The following LONP1 variants were observed in gnomAD, a reference collection of about 807,000 sequenced individuals.
LONP1 encodes lon peptidase 1, mitochondrial.
In LONP1, 31 loss-of-function variants were observed where a neutral mutation model predicts 98.5. That is an observed-to-expected ratio of 0.31 (90% CI 0.24 to 0.42). The LOEUF is 0.42. LONP1 is among the 20% of genes least tolerant of loss of function. The probability of loss-of-function intolerance (pLI) is 1.00; values close to 1 mark genes in which losing one functional copy is unlikely to be tolerated. For missense variants in LONP1, 1,336 were observed against 1,350.6 expected (o/e 0.99, Z 0.17); for synonymous variants, 781 against 594.7 (o/e 1.31, Z -4.56).
intron 10 of LONP1, among the ~76,000 whole-genome samples, chr19:5,697,270 C>T (rs1443957719): frequency 2.0e-5 from 3 of 151,862 alleles, no homozygotes; most frequent in East Asian, 3.9e-4. Flanking sequence ...CACAGGGAGG[C>T]AGGGATGGAG....
rs150732086 is a variant in LONP1 at position 5,699,112 on chromosome 19, G to A, written c.1600C>T (p.Arg534Cys). 2.3e-4 allele frequency: 369 copies of A among 1,599,184 alleles called. No individual in the cohort carries two copies. Among genetic ancestry groups the A allele is most frequent in the Middle Eastern group, 5.0e-4 (3 of 6,018 alleles). The change falls in exon 10 of 18, where the codon CGC becomes TGC. Residue 534 changes from arginine (R) to cysteine (C), a missense_variant. Around this residue, in one of 5 missense-constraint regions of LONP1, gnomAD observed 219 missense variants for 241.0 expected, o/e 0.91. Transcript: ENST00000360614. ...CGGTTCAGGGCGCGGGCGATGGAGC[G>A]AGCAATGCTGGTCTTACCCACGCCA... ...PPGVGKTSIA[R>C]SIARALNREY...
At chr19:5,713,331 G>A in intron 2 of LONP1, 78 bp from the exon 3 acceptor site, 1 of 1,554,840 alleles carries the variant, frequency 6.4e-7, no homozygotes, top group Non-Finnish European at 8.8e-7. Flanking sequence ...AGATGGAGGA[G>A]GGAGAGAAAA....
At position 5,700,876 on chromosome 19, in the gene LONP1, G is replaced by A. The variant is rs755361563; in HGVS notation, c.1419C>T (p.Tyr473=). The part of the protein sequence containing the change: ...DWLTSIPWGK[Y]SNENLDLARA... ...GCGCCAGGTCCAGGTTCTCGTTGCTGTACTTGCCCCAAGGGATGGACGTGA... is the reference window on the plus strand; with the variant it reads ...GCGCCAGGTCCAGGTTCTCGTTGCTATACTTGCCCCAAGGGATGGACGTGA... The change falls in exon 9 of 18, where the codon TAC becomes TAT. Residue 473 remains tyrosine (Y), a synonymous_variant. Transcript: ENST00000360614. 4.3e-6 allele frequency: 7 copies of A among 1,614,230 alleles called. No homozygotes were observed. Among genetic ancestry groups the A allele is most frequent in the South Asian group, 2.2e-5 (2 of 91,090 alleles).
chr19:5,713,869 A>C (rs1451744029), intron 2 of LONP1, among the ~76,000 whole-genome samples: 1 of 152,014 alleles, frequency 6.6e-6, no homozygotes, highest in Non-Finnish European at 1.5e-5. Context: ...GGCCCATGGA[A>C]CTCATTTCTA....
intron 4 of LONP1, 114 bp downstream of exon 4, chr19:5,711,657 C>A: frequency 1.2e-6 from 1 of 844,392 alleles, no homozygotes; most frequent in South Asian, 1.6e-5. Context: ...ACAGGCCAGA[C>A]CCTTCCTAAG....
At chr19:5,702,355 G>A (rs1599461696) in intron 8 of LONP1, among the ~76,000 whole-genome samples, 1 of 147,294 alleles carries the variant, frequency 6.8e-6, no homozygotes, top group South Asian at 2.1e-4. Flanking sequence ...GAGGGAGGTG[G>A]GGGGGTCAGC....
intron 9 of LONP1, 81 bp from the exon 10 acceptor site, chr19:5,699,286 G>A: frequency 2.5e-6 from 3 of 1,182,168 alleles, no homozygotes; most frequent in Non-Finnish European, 3.4e-6. Flanking sequence ...CCTGCACACT[G>A]CCTTTCAGAC....
At chr19:5,712,892 A>C (rs2055259593) in intron 3 of LONP1, among the ~76,000 whole-genome samples, 1 of 152,076 alleles carries the variant, frequency 6.6e-6, no homozygotes, top group Non-Finnish European at 1.5e-5. Context: ...TGACATCCCA[A>C]AGTGCTGGAA....
chr19:5,699,363 C>G (rs2055000560), intron 9 of LONP1, among the ~76,000 whole-genome samples, 158 bp from the exon 10 acceptor site: 1 of 152,150 alleles, frequency 6.6e-6, no homozygotes, highest in Non-Finnish European at 1.5e-5. Context: ...TGCCACTGGC[C>G]ACGGGGAGGG....
chr19:5,707,005 AC>A, intron 7 of LONP1, 54 bp downstream of exon 7: 1 of 1,440,532 alleles, frequency 6.9e-7, no homozygotes, highest in Non-Finnish European at 9.6e-7. Flanking sequence ...GACTGATGTC[AC>A]GTGGCCCGAG....
chr19:5,694,232 C>T (rs533815928), intron 15 of LONP1, among the ~76,000 whole-genome samples, 155 bp downstream of exon 15: 9 of 152,328 alleles, frequency 5.9e-5, no homozygotes, highest in Admixed American at 3.9e-4. Context: ...TCCCCTCCCT[C>T]AGCCCAGACC....
At chr19:5,702,989 G>C (rs983354422) in intron 8 of LONP1, among the ~76,000 whole-genome samples, 1 of 148,374 alleles carries the variant, frequency 6.7e-6, no homozygotes. Context: ...ATCCCCCTCT[G>C]CGAGAAACAC....
intron 1 of LONP1, among the ~76,000 whole-genome samples, chr19:5,718,862 G>T (rs540553413): frequency 7.2e-5 from 11 of 152,084 alleles, no homozygotes; most frequent in African/African-American, 2.7e-4. Flanking sequence ...TTCTACCACC[G>T]GAATGACTTG....
chr19:5,707,553 G>C, intron 6 of LONP1, 144 bp downstream of exon 6: 3 of 807,018 alleles, frequency 3.7e-6, no homozygotes, highest in Non-Finnish European at 6.1e-6. Context: ...CACACAGCTG[G>C]GTGTGGATGG....
intron 8 of LONP1, among the ~76,000 whole-genome samples, chr19:5,702,269 C>G (rs2055065491): frequency 7.2e-6 from 1 of 139,628 alleles, no homozygotes; most frequent in African/African-American, 2.7e-5. Context: ...GGGGTCAGCC[C>G]CCCACCAGGC....
chr19:5,696,842 A>G, intron 10 of LONP1, 85 bp from the exon 11 acceptor site: 1 of 852,804 alleles, frequency 1.2e-6, no homozygotes, highest in Non-Finnish European at 1.9e-6. Context: ...GCCACAGGGG[A>G]GAGGCCACCT....
Position 5,720,077 on chromosome 19 carries a change from A to G in LONP1, c.56T>C (p.Leu19Pro), listed in dbSNP as rs1383459415. The stretch of plus-strand genomic sequence containing the variant: ...GGCGGCGGCCAGCATCGGCCGCCGC[A>G]GCACCCAGCACCGCGCCGCTCCCCA... ...RLWGAARCWV[L>P]RRPMLAAAGG... The change falls in exon 1 of 18, where the codon CTG becomes CCG. Residue 19 changes from leucine to proline, a missense_variant. Physicochemically the swap from Leu to Pro is moderately conservative, Grantham distance 98. Transcript: ENST00000360614. 1 of 1,470,266 alleles carries G rather than the reference A, an allele frequency of 6.8e-7. No homozygotes were observed. Among genetic ancestry groups the G allele is most frequent in the South Asian group, 1.3e-5 (1 of 79,194 alleles). The allele number at this position is 1,470,266 out of a possible 1,614,324, so 91.1% of individuals were successfully genotyped here. A position where few individuals can be genotyped will look rare whatever the true frequency, so the allele number is the denominator to read the frequency against.
intron 1 of LONP1, among the ~76,000 whole-genome samples, chr19:5,716,263 T>TATATATATATA (rs2055319106): frequency 7.4e-5 from 2 of 26,950 alleles, no homozygotes; most frequent in African/African-American, 3.4e-4. Flanking sequence ...AATATACATA[T>TATATATATATA]ATATATATAT....
At position 5,693,621 on chromosome 19, in the gene LONP1, G is replaced by C. The variant is rs754186952; in HGVS notation, c.2469C>G (p.Ala823=). Residue 823 remains alanine (A), a synonymous_variant, in exon 16 of 18, where the codon GCC becomes GCG. Transcript: ENST00000360614. ...TGGCGGGGGCGTGCTGCATGAGGAA[G>C]GCTCTGGCGAAGGTGTAGGCTATGC... ...SARIAYTFAR[A]FLMQHAPAND... 25 of 1,613,972 alleles carry C rather than the reference G, an allele frequency of 1.5e-5. No individual in the cohort carries two copies. In the South Asian group the frequency reaches 2.7e-4, roughly 18 times the overall value.
Sources: gnomAD v4.1 joint callset for allele counts (sites outside exome capture counted in the v4.1 genomes callset) on GRCh38, gnomAD v4.1.1 for gene constraint, gnomAD v4.1.1 regional missense constraint, MANE v1.5 for transcripts, NCBI Gene and HGNC (gene_info 2026-07-23, HGNC 2026-07-21) for gene names.